The following HTR2B variants were observed in gnomAD, a reference collection of about 807,000 sequenced individuals.
The protein encoded by HTR2B is 5-HT 2B receptor.
Under a neutral mutation model 39.8 loss-of-function variants are expected in HTR2B, and 31 were observed. The ratio of observed to expected loss-of-function variants is 0.78; its 90% CI spans 0.58 to 1.05. The LOEUF (loss-of-function observed/expected upper bound fraction) is 1.05, where lower values mean the gene tolerates loss of function less well. Among genes scored for constraint, HTR2B ranks in the 50% least tolerant of loss-of-function variants. HTR2B has a pLI of 0.00. For missense variants in HTR2B, 562 were observed against 578.0 expected (o/e 0.97, Z 0.28); for synonymous variants, 210 against 207.1 (o/e 1.01, Z -0.12).
chr2:231,120,105 C>T (rs1695486230), intron 2 of HTR2B, among the ~76,000 whole-genome samples: 1 of 151,916 alleles, frequency 6.6e-6, no homozygotes, highest in South Asian at 2.1e-4. Context: ...GCGCGTACCA[C>T]CATGCCCAGC....
rs539189101 is a variant in HTR2B at position 231,123,928 on chromosome 2, C to T, written c.-164G>A. The stretch of plus-strand genomic sequence containing the variant: ...AAAAATTCAAGTTCTCTAAAATGAG[C>T]GCATACACACATCTGTCCATGTTTG... On this transcript the variant is annotated 5_prime_UTR_variant, in exon 2 of 4. Coordinates refer to ENST00000258400, the MANE Select transcript of HTR2B (RefSeq NM_000867.5). The T allele has an allele frequency of 2.5e-5, 17 of 668,738 alleles. No homozygotes were observed. Among genetic ancestry groups the T allele is most frequent in the East Asian group, 1.4e-4 (5 of 36,510 alleles). 41.4% of individuals were successfully genotyped at this position (668,738 alleles called of 1,614,324 possible). A position where few individuals can be genotyped will look rare whatever the true frequency, so the allele number is the denominator to read the frequency against.
In HTR2B at chr2:231,123,712, A is replaced by C. The variant is rs1695636848; in HGVS notation, c.53T>G (p.Ile18Ser). ...AACGTGAACAAAGGTGCTCTGCAAAATGTGCTCAGGAATTGTGCTTTGAAG... is the reference window on the plus strand; with the variant it reads ...AACGTGAACAAAGGTGCTCTGCAAACTGTGCTCAGGAATTGTGCTTTGAAG... ...SELQSTIPEH[I>S]LQSTFVHVIS... The change falls in exon 2 of 4, where the codon ATT (isoleucine) becomes AGT (serine). Residue 18 changes from isoleucine to serine, a missense_variant. By Grantham distance (142) the Ile-to-Ser change is moderately radical. Coordinates refer to ENST00000258400, the MANE Select transcript of HTR2B (RefSeq NM_000867.5). 6.2e-7 allele frequency: 1 copy of C among 1,614,080 alleles called. No individual in the cohort carries two copies. Among genetic ancestry groups the C allele is most frequent in the Non-Finnish European group, 8.5e-7 (1 of 1,179,936 alleles).
Position 231,123,444 on chromosome 2 carries a change from C to T in HTR2B, c.321G>A (p.Val107=), listed in dbSNP as rs1040788564. ...AVADLLVGLF[V]MPIALLTIMF... is the part of the protein sequence containing the mutation. ...TTATTGTCAAGAGGGCAATTGGCAT[C>T]ACAAACAATCCAACCAGCAAATCAG... Residue 107 remains valine (V), a synonymous_variant, in exon 2 of 4, where the codon GTG becomes GTA. Coordinates refer to ENST00000258400, the MANE Select transcript of HTR2B (RefSeq NM_000867.5). The T allele has an allele frequency of 1.9e-6, 3 of 1,613,822 alleles. No individual in the cohort carries two copies. Among genetic ancestry groups the T allele is most frequent in the Non-Finnish European group, 2.5e-6 (3 of 1,179,860 alleles).
chr2:231,115,504 T>A (rs1348303124), intron 2 of HTR2B, among the ~76,000 whole-genome samples: 1 of 152,150 alleles, frequency 6.6e-6, no homozygotes, highest in Non-Finnish European at 1.5e-5. Context: ...TTCAGCAGCT[T>A]CTTAAAAAGG....
In HTR2B at chr2:231,109,325, C is replaced by A. The variant is rs1278396359; in HGVS notation, c.638G>T (p.Arg213Leu). The change falls in exon 4 of 4, where the codon CGT becomes CTT. Residue 213 changes from arginine (R) to leucine (L), a missense_variant. By Grantham distance (102) the Arg-to-Leu change is moderately radical. Coordinates refer to ENST00000258400, the MANE Select transcript of HTR2B (RefSeq NM_000867.5). ...NNITCVLTKE[R>L]FGDFMLFGSL... The stretch of plus-strand genomic sequence containing the variant: ...GCCAAAGAGCATGAAATCGCCAAAA[C>A]GTTCCTTTGTCAGCACACAAGTGAT... 1.2e-6 allele frequency: 2 copies of A among 1,614,002 alleles called. No homozygotes were observed. Among genetic ancestry groups the A allele is most frequent in the Non-Finnish European group, 1.7e-6 (2 of 1,179,918 alleles).
rs771796131 is a variant in HTR2B at position 231,108,923 on chromosome 2, A to G, written c.1040T>C (p.Leu347Ser). The change falls in exon 4 of 4, where the codon TTA (leucine) becomes TCA (serine). Residue 347 changes from leucine (L) to serine (S), a missense_variant. Physicochemically the swap from Leu to Ser is moderately radical, Grantham distance 145. Coordinates refer to ENST00000258400, the MANE Select transcript of HTR2B (RefSeq NM_000867.5). ...TTGGTTACAGGAATCACATAAAACT[A>G]AAGTTATATTTGTAATAAAGAAGGG... ...WCPFFITNIT[L>S]VLCDSCNQTT... 2 of 1,614,108 alleles carry G rather than the reference A, an allele frequency of 1.2e-6. No homozygotes were observed. Among genetic ancestry groups the G allele is most frequent in the Middle Eastern group, 1.7e-4 (1 of 6,060 alleles).
chr2:231,115,786 G>A (rs1695310930), intron 2 of HTR2B, among the ~76,000 whole-genome samples: 1 of 152,140 alleles, frequency 6.6e-6, no homozygotes. Context: ...GCCACTCAGA[G>A]TTTGCTCTTA....
At chr2:231,118,966 T>C (rs1478307133) in intron 2 of HTR2B, among the ~76,000 whole-genome samples, 1 of 150,950 alleles carries the variant, frequency 6.6e-6, no homozygotes, top group Non-Finnish European at 1.5e-5. Flanking sequence ...TGCTTCTGTC[T>C]TTATCTTCCA....
intron 2 of HTR2B, 61 bp downstream of exon 2, chr2:231,123,352 A>G (rs1695610991): frequency 1.7e-6 from 2 of 1,186,452 alleles, no homozygotes; most frequent in Non-Finnish European, 2.5e-6. Flanking sequence ...ATGAGTGTCC[A>G]TTCTCTAATA....
chr2:231,111,350 C>G lies in HTR2B; in HGVS notation c.554-1941G>C, dbSNP rs1172546618. ...TTTTATCTCTAGTTCATTCATTCAT[C>G]TCAGTTTTCACATTCTATTAACTCA... On this transcript the variant is annotated intron_variant, in intron 3 of 3. Transcript: ENST00000258400. Among the ~76,000 whole-genome samples the G allele has an allele frequency of 2.0e-5, 3 of 152,186 alleles. No homozygotes were observed. The East Asian group carries it at 5.8e-4, about 29-fold the overall frequency.
At position 231,124,043 on chromosome 2, in the gene HTR2B, G is replaced by GAT. The variant is rs1004763249; in HGVS notation, c.-281_-280dup. The GAT allele has an allele frequency of 1.4e-4, 52 of 359,490 alleles. No individual in the cohort carries two copies. The highest frequency in any genetic ancestry group is 4.7e-4 in the South Asian group (15 of 32,256). The allele number at this position is 359,490 out of a possible 1,614,324, so 22.3% of individuals were successfully genotyped here. ...AAACTGATAGCTGTGAAAAAAATAGGATATATATATATTTTTAGTTTCTCT... is the reference window on the plus strand; with the variant it reads ...AAACTGATAGCTGTGAAAAAAATAGGATATATATATATATTTTTAGTTTCTCT... On this transcript the variant is annotated 5_prime_UTR_variant, in exon 2 of 4. An upstream open reading frame in the 5' UTR loses its in-frame stop. Coordinates refer to ENST00000258400, the MANE Select transcript of HTR2B (RefSeq NM_000867.5).
In HTR2B at chr2:231,112,288, C is replaced by T. The variant is rs571917786; in HGVS notation, c.553+1441G>A. Among the ~76,000 whole-genome samples the T allele has an allele frequency of 5.8e-4, 88 of 152,312 alleles. No individual in the cohort carries two copies. The South Asian group carries it at 0.018, about 30-fold the overall frequency. On this transcript the variant is annotated intron_variant, in intron 3 of 3. Transcript: ENST00000258400. The stretch of plus-strand genomic sequence containing the variant: ...AAATTTTAATTTTCACCCATTGTCT[C>T]CCATTCCCTTTCTGTAGCTGCTTTT...
At chr2:231,115,614 G>T (rs144326048) in intron 2 of HTR2B, among the ~76,000 whole-genome samples, 3 of 152,214 alleles carry the variant, frequency 2.0e-5, no homozygotes, top group African/African-American at 7.2e-5. Flanking sequence ...AGGGATAGAG[G>T]TGGTAAATTT....
chr2:231,108,533 T>G lies in HTR2B; in HGVS notation c.1430A>C (p.Gln477Pro). ...CCAGTTCTGCTATACATAACTAACT[T>G]GCTCTTCAGTTTTGTCACCTTCATT... ...TENEGDKTEE[Q>P]VSYV is the part of the protein sequence containing the mutation. The change falls in exon 4 of 4, where the codon CAA becomes CCA. Residue 477 changes from glutamine (Q) to proline (P), a missense_variant. Gln to Pro is a moderately conservative substitution (Grantham distance 76, BLOSUM62 -1). Transcript: ENST00000258400. 6.2e-7 allele frequency: 1 copy of G among 1,613,674 alleles called. No homozygotes were observed.
At chr2:231,109,488 C>G in intron 3 of HTR2B, 79 bp from the exon 4 acceptor site, 1 of 1,244,420 alleles carries the variant, frequency 8.0e-7, no homozygotes, top group Non-Finnish European at 1.2e-6. Flanking sequence ...GGATTGTATC[C>G]TTATAACTTT....
chr2:231,124,316 T>C (rs1159380814), intron 1 of HTR2B, among the ~76,000 whole-genome samples, 186 bp from the exon 2 acceptor site: 1 of 152,210 alleles, frequency 6.6e-6, no homozygotes, highest in East Asian at 1.9e-4. Flanking sequence ...ATTAATTTTT[T>C]CAATGGTTAT....
At chr2:231,111,228 A>T (rs1480522093) in intron 3 of HTR2B, among the ~76,000 whole-genome samples, 1 of 152,136 alleles carries the variant, frequency 6.6e-6, no homozygotes, top group Non-Finnish European at 1.5e-5. Context: ...AGCCATCTAC[A>T]AGTCTACTTA....
chr2:231,124,808 A>G (rs1269621975), intron 1 of HTR2B, among the ~76,000 whole-genome samples, 164 bp downstream of exon 1: 2 of 152,148 alleles, frequency 1.3e-5, no homozygotes, highest in South Asian at 2.1e-4. Context: ...TTGTTCATCA[A>G]ATGTACAAAT....
intron 2 of HTR2B, among the ~76,000 whole-genome samples, chr2:231,121,812 A>G (rs969107830): frequency 2.0e-5 from 3 of 152,176 alleles, no homozygotes; most frequent in Non-Finnish European, 2.9e-5. Flanking sequence ...AATTCTTTCA[A>G]TATCATGTAT....
Sources: gnomAD v4.1 joint callset for allele counts (sites outside exome capture counted in the v4.1 genomes callset) on GRCh38, gnomAD v4.1.1 for gene constraint, MANE v1.5 for transcripts, NCBI Gene and HGNC (gene_info 2026-07-23, HGNC 2026-07-21) for gene names.